The following NTM variants were observed in gnomAD, a reference collection of about 807,000 sequenced individuals.
The protein encoded by NTM is IgLON family member 2.
A neutral mutation model predicts 42.1 loss-of-function variants in NTM; 13 were observed. That is an observed-to-expected ratio of 0.31 (90% CI 0.20 to 0.49). NTM has a LOEUF of 0.49. NTM is among the 20% of genes least tolerant of loss of function. The pLI is 0.99. For synonymous variants in NTM, 187 were observed against 179.2 expected (o/e 1.04, Z -0.35); for missense variants, 373 against 452.8 (o/e 0.82, Z 1.60).
At chr11:131,426,047 G>A (rs972693796) in intron 1 of NTM, among the ~76,000 whole-genome samples, 31 of 152,260 alleles carry the variant, frequency 2.0e-4, no homozygotes, top group African/African-American at 7.0e-4. Context: ...CAATGGCCAC[G>A]CCTGCTGGGA....
At chr11:132,213,424 C>T (rs896637416) in intron 4 of NTM, among the ~76,000 whole-genome samples, 4 of 152,014 alleles carry the variant, frequency 2.6e-5, no homozygotes, top group Non-Finnish European at 4.4e-5. Context: ...AGGCTGATCC[C>T]CAAACAGGTG....
intron 4 of NTM, among the ~76,000 whole-genome samples, chr11:132,250,983 C>T (rs1384389458): frequency 6.6e-6 from 1 of 152,094 alleles, no homozygotes; most frequent in Non-Finnish European, 1.5e-5. Flanking sequence ...ATTTTGAGCC[C>T]TAAAATGAAA....
chr11:131,384,391 G>C (rs1167711537), intron 1 of NTM, among the ~76,000 whole-genome samples: 2 of 152,240 alleles, frequency 1.3e-5, no homozygotes, highest in African/African-American at 2.4e-5. Context: ...AATGTCAGCA[G>C]TGTCAAATGT....
chr11:131,971,750 G>GA (rs201385891), intron 2 of NTM, among the ~76,000 whole-genome samples: 4 of 148,258 alleles, frequency 2.7e-5, no homozygotes, highest in African/African-American at 5.0e-5. Flanking sequence ...ACAAAAAAAA[G>GA]AAAAAAAAAA....
At chr11:131,731,562 G>A (rs1006930834) in intron 1 of NTM, among the ~76,000 whole-genome samples, 2 of 152,156 alleles carry the variant, frequency 1.3e-5, no homozygotes, top group Non-Finnish European at 2.9e-5. Context: ...GACAATAAAG[G>A]TCATGGCCGG....
chr11:131,993,046 A>G (rs2067311712), intron 2 of NTM, among the ~76,000 whole-genome samples: 1 of 152,198 alleles, frequency 6.6e-6, no homozygotes, highest in South Asian at 2.1e-4. Context: ...AGGGTCTGAG[A>G]ACCTGATTAT....
chr11:131,915,103 A>G (rs2056070635), intron 2 of NTM, among the ~76,000 whole-genome samples: 1 of 152,218 alleles, frequency 6.6e-6, no homozygotes, highest in Non-Finnish European at 1.5e-5. Flanking sequence ...GTAAACAGTA[A>G]CATTTACTCC....
chr11:131,779,084 C>A (rs577718000), intron 1 of NTM, among the ~76,000 whole-genome samples: 1 of 152,348 alleles, frequency 6.6e-6, no homozygotes, highest in East Asian at 1.9e-4. Context: ...GGCCAACAAC[C>A]ACATCACAGT....
intron 1 of NTM, among the ~76,000 whole-genome samples, chr11:131,448,188 T>C (rs1311091798): frequency 6.6e-6 from 1 of 152,362 alleles, no homozygotes; most frequent in South Asian, 2.1e-4. Context: ...CAGACTGTCC[T>C]GCGCTGAAGC....
rs1470598981 is a variant in NTM, at chr11:132,013,512, G to C, written c.167+101864G>C. ...TAGTGGAGGACTTGGGAGAAACAAG[G>C]AGATTTGGGAGTAAACAGAATCTAG... On this transcript the variant is annotated intron_variant, in intron 2 of 8. Coordinates refer to ENST00000683400, the MANE Select transcript of NTM (RefSeq NM_001352005.2). Among the ~76,000 whole-genome samples the C allele has an allele frequency of 3.3e-5, 5 of 152,202 alleles. No homozygotes were observed. In the East Asian group the frequency reaches 9.7e-4, roughly 29 times the overall value.
intron 1 of NTM, among the ~76,000 whole-genome samples, chr11:131,510,133 G>A (rs2048040669): frequency 6.6e-6 from 1 of 152,190 alleles, no homozygotes; most frequent in Non-Finnish European, 1.5e-5. Context: ...AAATTTACAT[G>A]CGGGATGAAG....
At chr11:131,964,932 G>A (rs1278337094) in intron 2 of NTM, among the ~76,000 whole-genome samples, 1 of 152,138 alleles carries the variant, frequency 6.6e-6, no homozygotes, top group Non-Finnish European at 1.5e-5. Flanking sequence ...AGGCACTCGG[G>A]CATTACCAAG....
intron 1 of NTM, among the ~76,000 whole-genome samples, chr11:131,451,762 C>T (rs1243550407): frequency 6.6e-6 from 1 of 152,004 alleles, no homozygotes; most frequent in Non-Finnish European, 1.5e-5. Context: ...GATCTGGAGA[C>T]CCTGGGGTCC....
intron 1 of NTM, among the ~76,000 whole-genome samples, chr11:131,758,428 T>C (rs1378527512): frequency 6.6e-6 from 1 of 152,072 alleles, no homozygotes; most frequent in Non-Finnish European, 1.5e-5. Flanking sequence ...TCCCCAAAGC[T>C]CTTTTAATGA....
chr11:132,184,822 A>G (rs1465730225), intron 3 of NTM, among the ~76,000 whole-genome samples: 4 of 152,238 alleles, frequency 2.6e-5, no homozygotes, highest in African/African-American at 7.2e-5. Context: ...TCAGATCCAC[A>G]CAGCGTCATG....
chr11:131,959,690 C>A (rs2061932346), intron 2 of NTM, among the ~76,000 whole-genome samples: 1 of 152,176 alleles, frequency 6.6e-6, no homozygotes, highest in Admixed American at 6.5e-5. Context: ...ACCTCATCAA[C>A]CACTCTGACT....
At chr11:131,524,498 T>C (rs1037393568) in intron 1 of NTM, among the ~76,000 whole-genome samples, 23 of 152,216 alleles carry the variant, frequency 1.5e-4, no homozygotes, top group African/African-American at 5.3e-4. Flanking sequence ...TCATCTTTAA[T>C]CCACCAGGGT....
intron 1 of NTM, among the ~76,000 whole-genome samples, chr11:131,447,878 T>G (rs751445513): frequency 2.5e-4 from 38 of 152,190 alleles, no homozygotes; most frequent in Non-Finnish European, 4.6e-4. Flanking sequence ...GGGCTCCCGT[T>G]TGGGGCAGGT....
At chr11:132,297,390 A>G (rs1429619186) in intron 4 of NTM, among the ~76,000 whole-genome samples, 1 of 152,170 alleles carries the variant, frequency 6.6e-6, no homozygotes, top group African/African-American at 2.4e-5. Flanking sequence ...TGCTGCTTGC[A>G]AAGGGAAAGC....
Sources: gnomAD v4.1 joint callset for allele counts (sites outside exome capture counted in the v4.1 genomes callset) on GRCh38, gnomAD v4.1.1 for gene constraint, MANE v1.5 for transcripts, NCBI Gene and HGNC (gene_info 2026-07-23, HGNC 2026-07-21) for gene names.